Variants in SHANK2 observed in about 807,000 individuals in gnomAD.
SHANK2 encodes SH3 and multiple ankyrin repeat domains protein 2.
In SHANK2, 43 loss-of-function variants were observed where a neutral mutation model predicts 133.7. That is an observed-to-expected ratio of 0.32 (90% CI 0.25 to 0.41). The LOEUF is 0.41. Ranked by LOEUF, SHANK2 falls within the 10% of genes least tolerant of loss-of-function variation. The probability of loss-of-function intolerance (pLI) is 1.00; values close to 1 mark genes in which losing one functional copy is unlikely to be tolerated. For missense variants in SHANK2, 1,994 were observed against 2,235.8 expected (o/e 0.89, Z 2.18); for synonymous variants, 1,017 against 952.8 (o/e 1.07, Z -1.24).
Position 70,473,499 on chromosome 11 carries a change from C to T in SHANK2, c.4980-60G>A. 4.5e-6 allele frequency: 7 copies of T among 1,554,976 alleles called. No individual in the cohort carries two copies. Among genetic ancestry groups the T allele is most frequent in the South Asian group, 2.2e-5 (2 of 89,414 alleles). ...CAGGTCACCGAGTCAGGGCAGCTGG[C>T]TGCAGATCACCCAGGAAGGCGAGGG... On this transcript the variant is annotated intron_variant, in intron 25 of 25. Coordinates refer to ENST00000601538, the MANE Select transcript of SHANK2 (RefSeq NM_012309.5). The surrounding 1 kb of genome is among the most constrained non-coding windows in gnomAD (Gnocchi z 5.9).
intron 14 of SHANK2, among the ~76,000 whole-genome samples, chr11:70,711,873 AAGGACCCT>A (rs1555026216): frequency 6.6e-6 from 1 of 152,192 alleles, no homozygotes; most frequent in Admixed American, 6.5e-5. Context: ...AAGAGAAAAT[AAGGACCCT>A]GTGCAGAATG....
At chr11:70,707,820 C>T (rs1003059452) in intron 14 of SHANK2, among the ~76,000 whole-genome samples, 4 of 152,200 alleles carry the variant, frequency 2.6e-5, no homozygotes, top group Admixed American at 2.6e-4. Context: ...CTGAAAACAT[C>T]CCCCTGCCCT....
intron 1 of SHANK2, among the ~76,000 whole-genome samples, chr11:71,251,866 C>T (rs1368887500): frequency 6.6e-6 from 1 of 151,746 alleles, no homozygotes; most frequent in Non-Finnish European, 1.5e-5. Flanking sequence ...GCGTGCAGGG[C>T]CAGGGTGACC....
chr11:70,913,979 TGTGA>T (rs370735902), intron 10 of SHANK2, among the ~76,000 whole-genome samples: 7 of 152,244 alleles, frequency 4.6e-5, no homozygotes, highest in African/African-American at 1.4e-4. Flanking sequence ...AGAGCAGTGC[TGTGA>T]GTGTTTATTG....
intron 11 of SHANK2, among the ~76,000 whole-genome samples, chr11:70,879,898 G>C (rs961934713): frequency 6.6e-6 from 1 of 152,216 alleles, no homozygotes; most frequent in African/African-American, 2.4e-5. Context: ...GGAGTCCACA[G>C]GGATCCCAGG....
intron 11 of SHANK2, among the ~76,000 whole-genome samples, chr11:70,840,391 C>T (rs551774436): frequency 2.6e-5 from 4 of 152,290 alleles, no homozygotes; most frequent in African/African-American, 9.6e-5. Flanking sequence ...TCCCTGGAGC[C>T]TCAGTTTCCC....
chr11:70,686,113 C>CCCAT (rs1182323309), intron 15 of SHANK2, among the ~76,000 whole-genome samples: 2 of 144,600 alleles, frequency 1.4e-5, no homozygotes, highest in African/African-American at 2.6e-5. Context: ...CACCCATCTA[C>CCCAT]CCATCCATCC....
intron 14 of SHANK2, among the ~76,000 whole-genome samples, chr11:70,709,651 G>A (rs569616364): frequency 6.6e-6 from 1 of 152,360 alleles, no homozygotes; most frequent in South Asian, 2.1e-4. Flanking sequence ...CACTGAGGCA[G>A]AGCATAGTTA....
chr11:71,138,316 G>A (rs188465039), intron 3 of SHANK2, among the ~76,000 whole-genome samples: 1 of 152,312 alleles, frequency 6.6e-6, no homozygotes, highest in African/African-American at 2.4e-5. Flanking sequence ...GGGGAAGATA[G>A]GCTCAGACGT....
At chr11:70,755,208 A>T (rs1946841535) in intron 14 of SHANK2, among the ~76,000 whole-genome samples, 1 of 151,976 alleles carries the variant, frequency 6.6e-6, no homozygotes, top group Non-Finnish European at 1.5e-5. Flanking sequence ...AGTAACTGGG[A>T]TTACAGGTGG....
At chr11:70,617,305 A>ATGTG (rs34433990) in intron 17 of SHANK2, among the ~76,000 whole-genome samples, 10,764 of 149,442 alleles carry the variant, frequency 0.072, 455 homozygotes, top group South Asian at 0.084. Flanking sequence ...CTGAGAGAGT[A>ATGTG]TGTGTGTGTG....
intron 2 of SHANK2, among the ~76,000 whole-genome samples, chr11:71,200,694 A>C (rs1484040783): frequency 1.3e-5 from 2 of 152,136 alleles, no homozygotes; most frequent in Non-Finnish European, 2.9e-5. Context: ...GGTATGGCTC[A>C]GACAGTAATT....
At chr11:70,609,683 GTATA>G (rs1266499106) in intron 17 of SHANK2, among the ~76,000 whole-genome samples, 1 of 150,646 alleles carries the variant, frequency 6.6e-6, no homozygotes, top group African/African-American at 2.4e-5. Context: ...ATTGTATCTT[GTATA>G]TACTGTATAT....
chr11:70,635,765 A>T (rs1555003777), intron 17 of SHANK2, among the ~76,000 whole-genome samples: 2 of 146,516 alleles, frequency 1.4e-5, no homozygotes, highest in South Asian at 2.4e-4. Context: ...GTAAAAAAAA[A>T]AAGGGGGGAG....
intron 2 of SHANK2, among the ~76,000 whole-genome samples, chr11:71,195,145 C>A (rs1467704667): frequency 6.6e-6 from 1 of 152,216 alleles, no homozygotes; most frequent in East Asian, 1.9e-4. Flanking sequence ...GTAATCCCAG[C>A]ACTTTGGGAG....
intron 17 of SHANK2, among the ~76,000 whole-genome samples, chr11:70,621,014 G>T (rs2060822637): frequency 6.6e-6 from 1 of 152,200 alleles, no homozygotes; most frequent in Non-Finnish European, 1.5e-5. Flanking sequence ...ACCACAACAG[G>T]CCTCAGTTTC....
intron 17 of SHANK2, among the ~76,000 whole-genome samples, chr11:70,523,157 C>G (rs919938157): frequency 6.6e-6 from 1 of 152,210 alleles, no homozygotes; most frequent in Non-Finnish European, 1.5e-5. Context: ...GGGTGTGCTT[C>G]TGCATCTGCC....
intron 17 of SHANK2, among the ~76,000 whole-genome samples, chr11:70,544,826 CG>C (rs1254579980): frequency 6.6e-6 from 1 of 152,250 alleles, no homozygotes; most frequent in Non-Finnish European, 1.5e-5. Flanking sequence ...CAAATGTCAC[CG>C]GGGCTGTCCT....
At chr11:71,129,799 G>A (rs1952263755) in intron 3 of SHANK2, among the ~76,000 whole-genome samples, 1 of 152,238 alleles carries the variant, frequency 6.6e-6, no homozygotes, top group Non-Finnish European at 1.5e-5. Context: ...AGGCAGCTGT[G>A]TTTGGCCTGA....
Sources: gnomAD v4.1 joint callset for allele counts (sites outside exome capture counted in the v4.1 genomes callset) on GRCh38, gnomAD v4.1.1 for gene constraint, Gnocchi (gnomAD v3.1) non-coding constraint, MANE v1.5 for transcripts, NCBI Gene and HGNC (gene_info 2026-07-23, HGNC 2026-07-21) for gene names.